The following HNRNPR variants were observed in gnomAD, a reference collection of about 807,000 sequenced individuals.
HNRNPR encodes the protein heterogeneous nuclear ribonucleoprotein R.
Under a neutral mutation model 70.3 loss-of-function variants are expected in HNRNPR, and 4 were observed. That is an observed-to-expected ratio of 0.06 (90% CI 0.03 to 0.13). The LOEUF is 0.13. HNRNPR is among the 10% of genes least tolerant of loss of function. HNRNPR has a pLI of 1.00. For missense variants in HNRNPR, 423 were observed against 788.5 expected (o/e 0.54, Z 5.55); for synonymous variants, 241 against 267.6 (o/e 0.90, Z 0.97).
At chr1:23,338,993 T>C (rs1187027913) in intron 2 of HNRNPR, among the ~76,000 whole-genome samples, 1 of 152,154 alleles carries the variant, frequency 6.6e-6, no homozygotes, top group Non-Finnish European at 1.5e-5. Context: ...ATACATTGCG[T>C]TTTCCAAGGA....
intron 3 of HNRNPR, chr1:23,338,245 T>C (rs1646577024): frequency 2.9e-6 from 1 of 341,714 alleles, no homozygotes; most frequent in Non-Finnish European, 5.2e-6. Flanking sequence ...GTAACAACCA[T>C]CAAAACTTGG....
intron 4 of HNRNPR, 64 bp downstream of exon 4, chr1:23,337,690 G>A: frequency 1.1e-6 from 1 of 951,596 alleles, no homozygotes; most frequent in Non-Finnish European, 1.6e-6. Context: ...AGGAAACATG[G>A]AAAGAGGCAT....
At chr1:23,332,817 G>A (rs1374208382) in intron 5 of HNRNPR, among the ~76,000 whole-genome samples, 3 of 152,002 alleles carry the variant, frequency 2.0e-5, no homozygotes, top group African/African-American at 7.2e-5. Flanking sequence ...AAGGCCAGCA[G>A]TTCAAGACCA....
intron 4 of HNRNPR, among the ~76,000 whole-genome samples, chr1:23,334,174 A>G (rs962127815): frequency 1.3e-5 from 2 of 151,564 alleles, no homozygotes; most frequent in Non-Finnish European, 2.9e-5. Flanking sequence ...TTGGCCTCCC[A>G]AAGTGCTAGG....
intron 7 of HNRNPR, among the ~76,000 whole-genome samples, chr1:23,319,191 A>G (rs1050852886): frequency 1.3e-5 from 2 of 152,156 alleles, no homozygotes; most frequent in African/African-American, 4.8e-5. Context: ...CTTTCTAAAT[A>G]ATGTCAGCTA....
At chr1:23,328,547 C>T (rs555823159) in intron 5 of HNRNPR, among the ~76,000 whole-genome samples, 2 of 152,162 alleles carry the variant, frequency 1.3e-5, no homozygotes, top group South Asian at 2.1e-4. Context: ...TCGCCCAGGC[C>T]GGAGTGCAGT....
intron 5 of HNRNPR, among the ~76,000 whole-genome samples, chr1:23,328,194 T>C (rs186215788): frequency 1.3e-5 from 2 of 152,162 alleles, no homozygotes; most frequent in African/African-American, 2.4e-5. Flanking sequence ...AGTTAAACCA[T>C]GGTTAGGCAT....
intron 9 of HNRNPR, 62 bp downstream of exon 9, chr1:23,313,491 G>T: frequency 9.3e-7 from 1 of 1,077,994 alleles, no homozygotes; most frequent in Non-Finnish European, 1.3e-6. Context: ...AAGTTACTTT[G>T]TGTTTGGCAA....
intron 6 of HNRNPR, 92 bp from the exon 7 acceptor site, chr1:23,321,755 C>T (rs1645766830): frequency 1.6e-6 from 2 of 1,283,352 alleles, no homozygotes; most frequent in East Asian, 2.4e-5. Context: ...TAAGGCCAAA[C>T]GCTCCCTGCT....
intron 8 of HNRNPR, among the ~76,000 whole-genome samples, chr1:23,315,815 T>G (rs923922735): frequency 3.3e-5 from 5 of 152,164 alleles, no homozygotes; most frequent in African/African-American, 1.2e-4. Flanking sequence ...AACTAACATT[T>G]TCCACAAACG....
intron 4 of HNRNPR, among the ~76,000 whole-genome samples, chr1:23,335,397 C>T (rs946869465): frequency 6.6e-6 from 1 of 152,206 alleles, no homozygotes; most frequent in African/African-American, 2.4e-5. Flanking sequence ...GCCACAGACC[C>T]GTACTGGTCC....
In HNRNPR at chr1:23,318,783, T is replaced by G; in HGVS notation, c.812-95A>C. 8.8e-7 allele frequency: 1 copy of G among 1,135,724 alleles called. No individual in the cohort carries two copies. Among genetic ancestry groups the G allele is most frequent in the East Asian group, 2.5e-5 (1 of 39,738 alleles). The allele number at this position is 1,135,724 out of a possible 1,614,324, so 70.4% of individuals were successfully genotyped here. ...AATCCACTTGACGATGAGCAAAATA[T>G]AAGTGAAGCAGCCTCAACATGAGTC... On this transcript the variant is annotated intron_variant, in intron 7 of 10. Coordinates refer to ENST00000302271, the MANE Select transcript of HNRNPR (RefSeq NM_005826.5). This position sits in a 1 kb window ranked among gnomAD's most constrained non-coding sequence, Gnocchi z 4.2.
chr1:23,342,825 T>C (rs1646753236), intron 1 of HNRNPR, among the ~76,000 whole-genome samples: 1 of 152,150 alleles, frequency 6.6e-6, no homozygotes, highest in Non-Finnish European at 1.5e-5. Context: ...TTTTTAAGTA[T>C]GTGTAAAGCA....
rs1003161269 is a variant in HNRNPR at position 23,310,306 on chromosome 1, T to G, written c.*148A>C. Reference sequence around the variant, plus strand: ...GAGGAAAAATAAAAAGACTTGAGTATATACACAATAGTGATTTCTTCAGCC... The same window carrying G: ...GAGGAAAAATAAAAAGACTTGAGTAGATACACAATAGTGATTTCTTCAGCC... On this transcript the variant is annotated 3_prime_UTR_variant, in exon 11 of 11. Transcript: ENST00000302271. This position sits in a 1 kb window ranked among gnomAD's most constrained non-coding sequence, Gnocchi z 6.0. 13 of 718,554 alleles carry G rather than the reference T, an allele frequency of 1.8e-5. No individual in the cohort carries two copies. In the Admixed American group the frequency reaches 3.1e-4, roughly 17 times the overall value. 44.5% of individuals were successfully genotyped at this position (718,554 alleles called of 1,614,324 possible).
intron 7 of HNRNPR, among the ~76,000 whole-genome samples, chr1:23,321,163 C>CAAAAAAAAAAAAAAAAAAAAA (rs58123581): frequency 2.5e-4 from 25 of 98,144 alleles, no homozygotes; most frequent in African/African-American, 1.1e-3. Context: ...AACTCCGTCT[C>CAAAAAAAAAAAAAAAAAAAAA]AAAAAAAAAA....
chr1:23,310,809 C>T lies in HNRNPR; in HGVS notation c.1547G>A (p.Arg516Lys). 1 of 1,614,104 alleles carries T rather than the reference C, an allele frequency of 6.2e-7. No individual in the cohort carries two copies. Among genetic ancestry groups the T allele is most frequent in the Non-Finnish European group, 8.5e-7 (1 of 1,180,008 alleles). ...RGGRGAPPPP[R>K]GRGAPPPRGR... ...TCTTGGAGGTGGTGCTCCCCTCCCC[C>T]TTGGTGGTGGTGGAGCACCTCGCCC... is the stretch of plus-strand genomic sequence containing the variant. The change falls in exon 11 of 11, where the codon AGG (arginine) becomes AAG (lysine). Residue 516 changes from arginine (R) to lysine (K), a missense_variant. This residue lies in a region of HNRNPR where 169 missense variants were observed against 195.6 expected (regional missense o/e 0.86). Transcript: ENST00000302271. This position sits in a 1 kb window ranked among gnomAD's most constrained non-coding sequence, Gnocchi z 6.0.
chr1:23,330,310 G>T (rs1175178767), intron 5 of HNRNPR, among the ~76,000 whole-genome samples: 1 of 152,168 alleles, frequency 6.6e-6, no homozygotes, highest in Non-Finnish European at 1.5e-5. Flanking sequence ...GCCGAGGCGG[G>T]TGGATCATGA....
At chr1:23,314,023 C>T (rs1338890788) in intron 8 of HNRNPR, among the ~76,000 whole-genome samples, 1 of 152,044 alleles carries the variant, frequency 6.6e-6, no homozygotes, top group African/African-American at 2.4e-5. Context: ...CTGTTTCTTT[C>T]CTCTAAAACT....
At chr1:23,326,398 CTA>C (rs377432146) in intron 5 of HNRNPR, among the ~76,000 whole-genome samples, 19 of 152,278 alleles carry the variant, frequency 1.2e-4, no homozygotes, top group Non-Finnish European at 2.5e-4. Flanking sequence ...CACACAGCAT[CTA>C]TGTTCTCTTT....
Sources: allele counts gnomAD v4.1 joint callset (sites outside exome capture counted in the v4.1 genomes callset), GRCh38; gene constraint gnomAD v4.1.1; regional missense constraint gnomAD v4.1.1; non-coding constraint Gnocchi (gnomAD v3.1); transcripts MANE v1.5; gene names NCBI Gene and HGNC (gene_info 2026-07-23, HGNC 2026-07-21).